NCOA6: variants seen among roughly 807,000 people sequenced by gnomAD.
NCOA6 encodes the protein NRC RAP250.
In NCOA6, 49 loss-of-function variants were observed where a neutral mutation model predicts 171.4. The ratio of observed to expected loss-of-function variants is 0.29; its 90% CI spans 0.23 to 0.36. The LOEUF is 0.36. Ranked by LOEUF, NCOA6 falls within the 10% of genes least tolerant of loss-of-function variation. The pLI, the probability that NCOA6 is intolerant of heterozygous loss-of-function variation, is 1.00. For synonymous variants in NCOA6, 910 were observed against 927.5 expected (o/e 0.98, Z 0.34); for missense variants, 2,248 against 2,554.5 (o/e 0.88, Z 2.59).
At chr20:34,822,998 G>A (rs1001565491) in intron 1 of NCOA6, among the ~76,000 whole-genome samples, 1 of 152,034 alleles carries the variant, frequency 6.6e-6, no homozygotes, top group South Asian at 2.1e-4. Context: ...TAGCCTTTAT[G>A]CGCATCATGT....
At position 34,781,708 on chromosome 20, in the gene NCOA6, A is replaced by C. The variant is rs145441700; in HGVS notation, c.235+413T>G. Among the ~76,000 whole-genome samples, 103 of 152,354 alleles carry C rather than the reference A, an allele frequency of 6.8e-4. 1 individual carries two copies. The highest frequency in any genetic ancestry group is 2.2e-3 in the African/African-American group (91 of 41,580). On this transcript the variant is annotated intron_variant, in intron 3 of 14. Coordinates refer to ENST00000359003, the MANE Select transcript of NCOA6 (RefSeq NM_014071.5). ...CTGTTAGCTAGTGACTTCTGACATA[A>C]AAGTTAAAGGAATAAATTTAAAGTA...
chr20:34,823,729 G>A (rs1040325215), intron 1 of NCOA6, among the ~76,000 whole-genome samples: 1 of 149,776 alleles, frequency 6.7e-6, no homozygotes, highest in Non-Finnish European at 1.5e-5. Flanking sequence ...ACAGTGTCTT[G>A]CTCTGTCGCC....
chr20:34,817,121 ACACACACACAC>A (rs2078861346), intron 1 of NCOA6, among the ~76,000 whole-genome samples: 1 of 80,524 alleles, frequency 1.2e-5, no homozygotes, highest in Non-Finnish European at 2.8e-5. Flanking sequence ...AGACTCCATC[ACACACACACAC>A]AAAAAAGCAA....
Position 34,740,429 on chromosome 20 carries a change from C to T in NCOA6, c.5827G>A (p.Glu1943Lys). ...TKSNHGGIAS[E>K]SLAGGLVEEK... is the part of the protein sequence containing the mutation. ...TCCACTAGGCCACCCGCAAGTGACT[C>T]AGATGCTATGCCACCATGATTGCTT... Residue 1943 changes from glutamate to lysine, a missense_variant, in exon 11 of 15, where the codon GAG becomes AAG. By Grantham distance (56) the Glu-to-Lys change is moderately conservative. Around this residue, in one of 7 missense-constraint regions of NCOA6, gnomAD observed 884 missense variants for 941.9 expected, o/e 0.94. Transcript: ENST00000359003. 6.2e-7 allele frequency: 1 copy of T among 1,614,214 alleles called. No individual in the cohort carries two copies. Among genetic ancestry groups the T allele is most frequent in the Non-Finnish European group, 8.5e-7 (1 of 1,180,046 alleles).
In NCOA6 at chr20:34,741,603, G is replaced by A. The variant is rs569133981; in HGVS notation, c.4653C>T (p.His1551=). ...CAAGGGATGAACACAGCTCATTACT[G>A]TGAGGTAAGTTTAGGGAATTAGAAG... is the stretch of plus-strand genomic sequence containing the variant. The part of the protein sequence containing the change: ...KEPSNSLNLP[H]SNELCSSLVH... Residue 1551 remains histidine, a synonymous_variant, in exon 11 of 15, where the codon CAC becomes CAT. Transcript: ENST00000359003. 5 of 1,614,182 alleles carry A rather than the reference G, an allele frequency of 3.1e-6. No homozygotes were observed. The highest frequency in any genetic ancestry group is 1.3e-5 in the African/African-American group (1 of 75,026).
At chr20:34,798,304 A>G (rs546774625) in intron 1 of NCOA6, among the ~76,000 whole-genome samples, 1 of 152,344 alleles carries the variant, frequency 6.6e-6, no homozygotes, top group East Asian at 1.9e-4. Context: ...CTGCAGCAGA[A>G]CAAAGCACTA....
chr20:34,815,354 G>T (rs577189720), intron 1 of NCOA6, among the ~76,000 whole-genome samples: 1 of 152,150 alleles, frequency 6.6e-6, no homozygotes, highest in East Asian at 1.9e-4. Flanking sequence ...TCCAGCCTGG[G>T]TGACAAAGCG....
Position 34,740,757 on chromosome 20 carries a change from C to A in NCOA6, c.5499G>T (p.Lys1833Asn), listed in dbSNP as rs762406654. Reference sequence around the variant, plus strand: ...CTTTCTCAAGAGAGCCTGTAACTTTCTTACATGCCTTGGTCAACAAAATTT... The same window carrying A: ...CTTTCTCAAGAGAGCCTGTAACTTTATTACATGCCTTGGTCAACAAAATTT... ...IGQILLTKAC[K>N]KVTGSLEKGE... The change falls in exon 11 of 15, where the codon AAG (lysine) becomes AAT (asparagine). Residue 1833 changes from lysine (K) to asparagine (N), a missense_variant. By Grantham distance (94) the Lys-to-Asn change is moderately conservative. Coordinates refer to ENST00000359003, the MANE Select transcript of NCOA6 (RefSeq NM_014071.5). 1.6e-5 allele frequency: 26 copies of A among 1,614,126 alleles called. No individual in the cohort carries two copies. Among genetic ancestry groups the A allele is most frequent in the Non-Finnish European group, 2.1e-5 (25 of 1,180,056 alleles).
At chr20:34,723,378 A>G (rs1989603895) in intron 14 of NCOA6, among the ~76,000 whole-genome samples, 1 of 152,184 alleles carries the variant, frequency 6.6e-6, no homozygotes, top group African/African-American at 2.4e-5. Context: ...GCGTGTTGTG[A>G]GAGTATAGCA....
chr20:34,805,687 T>TA (rs1260915783), intron 1 of NCOA6, among the ~76,000 whole-genome samples: 4 of 147,776 alleles, frequency 2.7e-5, no homozygotes, highest in Non-Finnish European at 6.0e-5. Context: ...CTTCTTAGCT[T>TA]TTTTTTTTTT....
intron 14 of NCOA6, among the ~76,000 whole-genome samples, chr20:34,724,081 A>G (rs574956620): frequency 3.3e-4 from 50 of 152,310 alleles, no homozygotes; most frequent in African/African-American, 1.1e-3. Flanking sequence ...GTAGTACTTC[A>G]ATATACTGAA....
In NCOA6 at chr20:34,750,367, G is replaced by T; in HGVS notation, c.1828C>A (p.Gln610Lys). 2 of 1,614,118 alleles carry T rather than the reference G, an allele frequency of 1.2e-6. No homozygotes were observed. Among genetic ancestry groups the T allele is most frequent in the Middle Eastern group, 1.6e-4 (1 of 6,062 alleles). ...GVPQVNLSNM[Q>K]GQPQQGPPSQ... ...GGTGGGCCCTGCTGGGGCTGGCCTT[G>T]CATGTTGCTGAGGTTCACTTGAGGA... Residue 610 changes from glutamine to lysine, a missense_variant, in exon 9 of 15, where the codon CAA (glutamine) becomes AAA (lysine). Around this residue, in one of 7 missense-constraint regions of NCOA6, gnomAD observed 987 missense variants for 1,104.7 expected, o/e 0.89. Coordinates refer to ENST00000359003, the MANE Select transcript of NCOA6 (RefSeq NM_014071.5).
chr20:34,757,486 G>T lies in NCOA6; in HGVS notation c.1262C>A (p.Pro421His), dbSNP rs1382263021. 1.2e-6 allele frequency: 2 copies of T among 1,613,882 alleles called. No individual in the cohort carries two copies. Among genetic ancestry groups the T allele is most frequent in the East Asian group, 2.2e-5 (1 of 44,882 alleles). The part of the protein sequence containing the change: ...PSRVPTPLQQ[P>H]HLTNKSPASS... ...GGCAGGAGACTTGTTGGTGAGGTGG[G>T]GCTGCTGCAAGGGAGTTGGGACCCT... Residue 421 changes from proline (P) to histidine (H), a missense_variant, in exon 7 of 15, where the codon CCC (proline) becomes CAC (histidine). By Grantham distance (77) the Pro-to-His change is moderately conservative (BLOSUM62 -2). This residue lies in a region of NCOA6 where 987 missense variants were observed against 1,104.7 expected (regional missense o/e 0.89). Coordinates refer to ENST00000359003, the MANE Select transcript of NCOA6 (RefSeq NM_014071.5).
In NCOA6 at chr20:34,742,046, A is replaced by G. The variant is rs758405273; in HGVS notation, c.4210T>C (p.Ser1404Pro). 1.1e-5 allele frequency: 17 copies of G among 1,614,040 alleles called. No homozygotes were observed. The highest frequency in any genetic ancestry group is 1.1e-5 in the Non-Finnish European group (13 of 1,180,046). ...SGLNPQNSTV[S>P]VAAVGGVVED... is the part of the protein sequence containing the mutation. ...ACAACACCCCCAACTGCAGCCACAG[A>G]CACAGTAGAATTCTGAGGATTCAGC... The change falls in exon 11 of 15, where the codon TCT (serine) becomes CCT (proline). Residue 1404 changes from serine (S) to proline (P), a missense_variant. Physicochemically the swap from Ser to Pro is moderately conservative, Grantham distance 74. Transcript: ENST00000359003.
In NCOA6 at chr20:34,718,547, C is replaced by G. The variant is rs943295712; in HGVS notation, c.6149-3182G>C. Among the ~76,000 whole-genome samples the G allele has an allele frequency of 1.8e-4, 27 of 151,342 alleles. 1 individual carries two copies. Among genetic ancestry groups the G allele is most frequent in the Non-Finnish European group, 1.5e-5 (1 of 67,844 alleles). ...TTTTGAGACAGTCTCGGATTGTCGC[C>G]CAGGCTGGAGTGCAGTGGTGCGATC... On this transcript the variant is annotated intron_variant, in intron 14 of 14. Coordinates refer to ENST00000359003, the MANE Select transcript of NCOA6 (RefSeq NM_014071.5).
At chr20:34,723,631 C>T (rs184959623) in intron 14 of NCOA6, among the ~76,000 whole-genome samples, 2 of 152,308 alleles carry the variant, frequency 1.3e-5, no homozygotes, top group Admixed American at 1.3e-4. Context: ...AAGGATGTGC[C>T]AGGCTTTCCA....
chr20:34,807,565 G>C (rs530813732), intron 1 of NCOA6, among the ~76,000 whole-genome samples: 2 of 152,034 alleles, frequency 1.3e-5, no homozygotes, highest in Non-Finnish European at 2.9e-5. Flanking sequence ...TCGCTCTGTC[G>C]CTCAGGCTGG....
At chr20:34,757,162 TCTA>T in intron 7 of NCOA6, 55 bp downstream of exon 7, 2 of 1,474,492 alleles carry the variant, frequency 1.4e-6, no homozygotes. Context: ...AAACTGAAGT[TCTA>T]CTAAGATCTA....
chr20:34,763,934 G>A (rs971527675), intron 5 of NCOA6, among the ~76,000 whole-genome samples: 1 of 151,366 alleles, frequency 6.6e-6, no homozygotes, highest in Admixed American at 6.6e-5. Context: ...ATCCCTTCCC[G>A]GCCATTAAAA....
Sources: gnomAD v4.1 joint callset for allele counts (sites outside exome capture counted in the v4.1 genomes callset) on GRCh38, gnomAD v4.1.1 for gene constraint, gnomAD v4.1.1 regional missense constraint, MANE v1.5 for transcripts, NCBI Gene and HGNC (gene_info 2026-07-23, HGNC 2026-07-21) for gene names.